PDE10A: variants seen among roughly 807,000 people sequenced by gnomAD.
PDE10A encodes the protein phosphodiesterase 10A.
Under a neutral mutation model 97.7 loss-of-function variants are expected in PDE10A, and 39 were observed. That is an observed-to-expected ratio of 0.40 (90% confidence interval 0.31 to 0.52). PDE10A has a LOEUF of 0.52. PDE10A is among the 20% of genes least tolerant of loss of function. The pLI, the probability that PDE10A is intolerant of heterozygous loss-of-function variation, is 0.56. For synonymous variants in PDE10A, 371 were observed against 376.8 expected, an observed-to-expected ratio of 0.98 and a Z score of 0.18; for missense variants, 731 against 1,047.8, an observed-to-expected ratio of 0.70 and a Z score of 4.17.
rs535605628 is a variant in PDE10A, at chr6:165,965,428, T to C, written c.-615+22101A>G. Reference sequence around the variant, plus strand: ...TAGTGGCAGGTGTACAGCAGGGCACTGAACACGGGAATACGGAGCTGAGGA... The same window carrying C: ...TAGTGGCAGGTGTACAGCAGGGCACCGAACACGGGAATACGGAGCTGAGGA... On this transcript the variant is annotated intron_variant, in intron 1 of 19. Coordinates refer to the PDE10A transcript ENST00000366882. Among the ~76,000 whole-genome samples, 52 of 152,242 alleles carry C rather than the reference T, an allele frequency of 3.4e-4. 2 individuals are homozygous for C. The South Asian group carries it at 0.01, about 30-fold the overall frequency.
intron 1 of PDE10A, among the ~76,000 whole-genome samples, chr6:165,984,881 C>T (rs1048330207): frequency 6.6e-6 from 1 of 152,234 alleles, no homozygotes; most frequent in African/African-American, 2.4e-5. Context: ...GGCCGGAACC[C>T]GTCCTTTGTT....
intron 1 of PDE10A, among the ~76,000 whole-genome samples, chr6:165,670,085 AG>A (rs35410498): frequency 0.019 from 2,910 of 152,350 alleles, 97 homozygotes; most frequent in African/African-American, 0.067. Flanking sequence ...AGGGAGCAGA[AG>A]CAATAATCCA....
At position 165,873,930 on chromosome 6, in the gene PDE10A, G is replaced by T. The variant is rs547302149; in HGVS notation, c.-615+113599C>A. Reference sequence around the variant, plus strand: ...TTTTAAGACTCTTGTTAAAAATCCTGCTGCTTCTTCCATAAATGGAAAACA... The same window carrying T: ...TTTTAAGACTCTTGTTAAAAATCCTTCTGCTTCTTCCATAAATGGAAAACA... On this transcript the variant is annotated intron_variant, in intron 1 of 19. Coordinates refer to the PDE10A transcript ENST00000366882. 2.6e-5 allele frequency among the ~76,000 whole-genome samples: 4 copies of T among 152,196 alleles called. No individual in the cohort carries two copies. The South Asian group carries it at 6.2e-4, about 24-fold the overall frequency.
intron 1 of PDE10A, among the ~76,000 whole-genome samples, chr6:165,758,632 A>AGAAGAGGAAGAAGGAAGAGGAG (rs1367504478): frequency 1.3e-5 from 2 of 151,540 alleles, no homozygotes. Flanking sequence ...AAGAGGAAGA[A>AGAAGAGGAAGAAGGAAGAGGAG]GAAGAGGAAG....
intron 1 of PDE10A, among the ~76,000 whole-genome samples, chr6:165,913,456 T>G (rs1354444275): frequency 6.6e-6 from 1 of 152,248 alleles, no homozygotes; most frequent in Non-Finnish European, 1.5e-5. Flanking sequence ...ATCTCTAGAT[T>G]ACTTACAATA....
chr6:165,708,297 C>A (rs1182792650), intron 1 of PDE10A, among the ~76,000 whole-genome samples: 1 of 152,092 alleles, frequency 6.6e-6, no homozygotes, highest in Non-Finnish European at 1.5e-5. Context: ...TGGTTTCTGG[C>A]CGTCACACCG....
chr6:165,944,544 G>A (rs1783696354), intron 1 of PDE10A, among the ~76,000 whole-genome samples: 1 of 152,210 alleles, frequency 6.6e-6, no homozygotes, highest in African/African-American at 2.4e-5. Flanking sequence ...GAGTTGAAAT[G>A]TATAACTGTG....
intron 17 of PDE10A, among the ~76,000 whole-genome samples, chr6:165,384,229 A>G (rs115647569): frequency 0.012 from 1,770 of 152,236 alleles, 33 homozygotes; most frequent in African/African-American, 0.041. Context: ...GAAGGCTGAA[A>G]CCGAGATGTC....
At chr6:165,348,172 A>G (rs1177567426) in intron 18 of PDE10A, among the ~76,000 whole-genome samples, 2 of 152,194 alleles carry the variant, frequency 1.3e-5, no homozygotes, top group East Asian at 3.8e-4. Flanking sequence ...AAAATAAGAG[A>G]AATTATGATT....
chr6:165,587,350 G>T (rs992852889), intron 1 of PDE10A, among the ~76,000 whole-genome samples: 2 of 152,170 alleles, frequency 1.3e-5, no homozygotes, highest in Non-Finnish European at 2.9e-5. Context: ...CCAAAACCCA[G>T]CTCTTGAATT....
chr6:165,520,801 CAT>C lies in PDE10A; in HGVS notation c.994+22637_994+22638del, dbSNP rs200434348. On this transcript the variant is annotated intron_variant, in intron 2 of 21. Transcript: ENST00000539869. ...GACACACCCTTTGTACTCTAAGAGCCATCAGTGTATTGGGTGGACTGGACAAT... is the reference window on the plus strand; with the variant it reads ...GACACACCCTTTGTACTCTAAGAGCCCAGTGTATTGGGTGGACTGGACAAT... Among the ~76,000 whole-genome samples, 1,065 of 152,182 alleles carry C rather than the reference CAT, an allele frequency of 7.0e-3. 13 individuals carry two copies. Among genetic ancestry groups the C allele is most frequent in the African/African-American group, 0.024 (996 of 41,526 alleles).
chr6:165,378,406 A>G (rs1784744374), intron 18 of PDE10A, among the ~76,000 whole-genome samples: 1 of 152,230 alleles, frequency 6.6e-6, no homozygotes, highest in African/African-American at 2.4e-5. Flanking sequence ...TTGGTCAGAC[A>G]TGCAAACAGG....
intron 3 of PDE10A, among the ~76,000 whole-genome samples, chr6:165,464,085 T>C (rs1351829931): frequency 1.3e-5 from 2 of 152,218 alleles, no homozygotes; most frequent in Admixed American, 6.5e-5. Flanking sequence ...AGACCCCTGA[T>C]TTCCCACTTC....
At chr6:165,366,291 A>G (rs1783765948) in intron 18 of PDE10A, among the ~76,000 whole-genome samples, 1 of 152,228 alleles carries the variant, frequency 6.6e-6, no homozygotes, top group Non-Finnish European at 1.5e-5. Context: ...CAGAAAGCAA[A>G]ATACATACAA....
intron 1 of PDE10A, among the ~76,000 whole-genome samples, chr6:165,716,951 G>A (rs528440104): frequency 6.6e-5 from 10 of 152,028 alleles, no homozygotes; most frequent in East Asian, 1.9e-4. Flanking sequence ...AACACTTTTC[G>A]TCTTGCAAAA....
At chr6:165,870,383 A>G (rs1781173133) in intron 1 of PDE10A, among the ~76,000 whole-genome samples, 3 of 152,212 alleles carry the variant, frequency 2.0e-5, no homozygotes, top group Admixed American at 2.0e-4. Flanking sequence ...GGAAAAGCAA[A>G]TCAAAATCAC....
chr6:165,336,755 C>CAAA lies in PDE10A; in HGVS notation c.2977-547_2977-545dup, dbSNP rs776243789. ...TGGGCGACAGAGCGAGACTCCGTCT[C>CAAA]AAAAAAAAAAAAAAAAAAAAAAAAA... On this transcript the variant is annotated intron_variant, in intron 20 of 21. Transcript: ENST00000539869. Among the ~76,000 whole-genome samples the CAAA allele has an allele frequency of 1.5e-3, 76 of 50,324 alleles. 1 individual carries two copies. The highest frequency in any genetic ancestry group is 2.8e-3 in the African/African-American group (40 of 14,192). The allele number at this position is 50,324 out of a possible 152,430, so 33.0% of individuals were successfully genotyped here.
chr6:165,421,244 C>G (rs754544891), intron 10 of PDE10A, among the ~76,000 whole-genome samples: 6 of 152,084 alleles, frequency 3.9e-5, no homozygotes, highest in Non-Finnish European at 1.5e-5. Context: ...GAGTTTGAGA[C>G]CAGCCTAGGC....
intron 2 of PDE10A, among the ~76,000 whole-genome samples, chr6:165,530,258 C>A (rs2128314054): frequency 9.8e-6 from 1 of 101,642 alleles, no homozygotes; most frequent in South Asian, 4.3e-4. Context: ...TAAGTAAAAT[C>A]CTCTTTATAT....
Sources: gnomAD v4.1 joint callset for allele counts (sites outside exome capture counted in the v4.1 genomes callset) on GRCh38, gnomAD v4.1.1 for gene constraint, MANE v1.5 for transcripts, NCBI Gene and HGNC (gene_info 2026-07-23, HGNC 2026-07-21) for gene names.